CCNK: variants seen among roughly 807,000 people sequenced by gnomAD.
CCNK encodes the protein cyclin K, also known as cyclin-K.
A neutral mutation model predicts 65.0 loss-of-function variants in CCNK; 9 were observed. That is an observed-to-expected ratio of 0.14 (90% CI 0.08 to 0.24). The LOEUF is 0.24. Among genes scored for constraint, CCNK ranks in the 10% least tolerant of loss-of-function variants. The probability of loss-of-function intolerance (pLI) is 1.00; values close to 1 mark genes in which losing one functional copy is unlikely to be tolerated. For missense variants in CCNK, 474 were observed against 720.0 expected (o/e 0.66, Z 3.91); for synonymous variants, 279 against 270.8 (o/e 1.03, Z -0.30).
chr14:99,507,479 C>T, intron 10 of CCNK: 1 of 284,250 alleles, frequency 3.5e-6, no homozygotes, highest in East Asian at 7.7e-5. Context: ...ATGGGAAGAT[C>T]ATTTGAGCCC....
At chr14:99,482,020 C>G (rs3918038) in intron 1 of CCNK, among the ~76,000 whole-genome samples, 75,905 of 151,966 alleles carry the variant, frequency 0.5, 19,545 homozygotes, top group Non-Finnish European at 0.58. Context: ...TCTTTACGGA[C>G]CCGCTCCTGG....
intron 10 of CCNK, chr14:99,509,848 AAGAGGGGGCTGGGGCCAG>A (rs1222136598): frequency 6.7e-6 from 3 of 450,140 alleles, no homozygotes; most frequent in African/African-American, 6.1e-5. Context: ...TTGCACTAGG[AAGAGGGGGCTGGGGCCAG>A]GGCACAAGGG....
intron 6 of CCNK, 190 bp from the exon 7 acceptor site, chr14:99,502,013 TACTA>T (rs1896842103): frequency 5.7e-6 from 3 of 524,724 alleles, no homozygotes; most frequent in Non-Finnish European, 9.3e-6. Flanking sequence ...ATAGAGAAAT[TACTA>T]ACTATGGTTA....
chr14:99,504,006 C>CG (rs565031470), intron 9 of CCNK: 109 of 356,058 alleles, frequency 3.1e-4, no homozygotes, highest in South Asian at 1.5e-3. Context: ...ACAGCAGATG[C>CG]GGGGGGGCAG....
chr14:99,503,087 CAG>C (rs776969319), intron 8 of CCNK, 103 bp downstream of exon 8: 6 of 1,333,878 alleles, frequency 4.5e-6, no homozygotes, highest in South Asian at 1.2e-5. Context: ...ACACCGGAAG[CAG>C]GGGGTGTTCG....
At chr14:99,499,035 A>G (rs1306884397) in intron 4 of CCNK, among the ~76,000 whole-genome samples, 3 of 152,090 alleles carry the variant, frequency 2.0e-5, no homozygotes, top group African/African-American at 7.2e-5. Flanking sequence ...TCAAAGAAAA[A>G]AATTGTTTTG....
At chr14:99,500,577 T>G in intron 4 of CCNK, 189 bp from the exon 5 acceptor site, 1 of 563,654 alleles carries the variant, frequency 1.8e-6, no homozygotes. Flanking sequence ...TCTTCCTGTT[T>G]GAGATCTTTT....
intron 6 of CCNK, 81 bp downstream of exon 6, chr14:99,501,494 A>G (rs574365010): frequency 1.8e-4 from 179 of 973,160 alleles, no homozygotes; most frequent in African/African-American, 1.7e-3. Flanking sequence ...TAAACCCCTC[A>G]TTTTGTGTCA....
chr14:99,493,832 T>G, intron 3 of CCNK: 2 of 342,268 alleles, frequency 5.8e-6, no homozygotes, highest in African/African-American at 2.1e-5. Flanking sequence ...TGTATGAAAG[T>G]TTACTCCCGT....
intron 8 of CCNK, 60 bp from the exon 9 acceptor site, chr14:99,503,551 A>T (rs1187811769): frequency 6.9e-7 from 1 of 1,452,002 alleles, no homozygotes; most frequent in African/African-American, 1.4e-5. Flanking sequence ...TGGATAATCC[A>T]TTTTTTTCTC....
rs966922507 is a variant in CCNK, at chr14:99,492,958, A to G, written c.197+84A>G. The G allele has an allele frequency of 7.9e-6, 9 of 1,135,308 alleles. No homozygotes were observed. The African/African-American group carries it at 1.1e-4, about 14-fold the overall frequency. The allele number at this position is 1,135,308 out of a possible 1,614,324, so 70.3% of individuals were successfully genotyped here. On this transcript the variant is annotated intron_variant, in intron 2 of 10. Coordinates refer to ENST00000389879, the MANE Select transcript of CCNK (RefSeq NM_001099402.2). ...TAATTAGATTCTGTAGACAAAATATATAGTAATTTCTCTGTACCAGAGCAG... is the reference window on the plus strand; with the variant it reads ...TAATTAGATTCTGTAGACAAAATATGTAGTAATTTCTCTGTACCAGAGCAG...
chr14:99,504,020 G>A (rs1007284298), intron 9 of CCNK: 6 of 364,702 alleles, frequency 1.6e-5, no homozygotes, highest in African/African-American at 1.3e-4. Context: ...GGGGCAGTAG[G>A]GGGTGGTGTG....
Position 99,488,747 on chromosome 14 carries a change from C to T in CCNK, c.-52-3879C>T, listed in dbSNP as rs549073567. ...TTTATTATCAGTAGCATTTTATTATCAGTAGTTATCAGTGCTAGCAAAGTA... is the reference window on the plus strand; with the variant it reads ...TTTATTATCAGTAGCATTTTATTATTAGTAGTTATCAGTGCTAGCAAAGTA... On this transcript the variant is annotated intron_variant, in intron 1 of 10. Coordinates refer to ENST00000389879, the MANE Select transcript of CCNK (RefSeq NM_001099402.2). Among the ~76,000 whole-genome samples, 36 of 152,172 alleles carry T rather than the reference C, an allele frequency of 2.4e-4. No homozygotes were observed. In the East Asian group the frequency reaches 6.8e-3, roughly 29 times the overall value.
At chr14:99,507,002 T>A (rs1391614914) in intron 9 of CCNK, 74 bp from the exon 10 acceptor site, 2 of 903,384 alleles carry the variant, frequency 2.2e-6, no homozygotes, top group East Asian at 2.4e-5. Flanking sequence ...TCTCTGCCAG[T>A]ACATTTTTCT....
At chr14:99,497,714 G>A (rs985657152) in intron 4 of CCNK, among the ~76,000 whole-genome samples, 2 of 152,146 alleles carry the variant, frequency 1.3e-5, no homozygotes, top group African/African-American at 2.4e-5. Context: ...AAAATGTATA[G>A]TCATTCTCCT....
intron 1 of CCNK, among the ~76,000 whole-genome samples, chr14:99,483,520 A>C (rs1454133950): frequency 6.6e-6 from 1 of 152,244 alleles, no homozygotes; most frequent in Non-Finnish European, 1.5e-5. Flanking sequence ...ACTGCGCTCC[A>C]GCCTGGGCGA....
intron 1 of CCNK, among the ~76,000 whole-genome samples, chr14:99,482,053 G>C (rs1056249209): frequency 1.3e-5 from 2 of 152,182 alleles, no homozygotes; most frequent in East Asian, 3.9e-4. Context: ...TTTGTTATGA[G>C]AGAAATTGTT....
intron 4 of CCNK, among the ~76,000 whole-genome samples, chr14:99,497,184 C>T (rs1007225299): frequency 6.6e-5 from 10 of 152,092 alleles, no homozygotes; most frequent in African/African-American, 2.4e-4. Flanking sequence ...CATGTAGCCA[C>T]CATTATAGTA....
chr14:99,493,710 A>G, intron 3 of CCNK, 115 bp downstream of exon 3: 1 of 691,998 alleles, frequency 1.4e-6, no homozygotes, highest in Non-Finnish European at 2.4e-6. Context: ...ATTTATTTTT[A>G]TATGGTATAT....
Sources: gnomAD v4.1 joint callset for allele counts (sites outside exome capture counted in the v4.1 genomes callset) on GRCh38, gnomAD v4.1.1 for gene constraint, MANE v1.5 for transcripts, NCBI Gene and HGNC (gene_info 2026-07-23, HGNC 2026-07-21) for gene names.